The following TTC39B variants were observed in gnomAD, a reference collection of about 807,000 sequenced individuals.
TTC39B encodes the protein tetratricopeptide repeat protein 39B.
TTC39B carries 92 observed loss-of-function variants against 96.6 expected under a neutral mutation model. The ratio of observed to expected loss-of-function variants is 0.95; its 90% confidence interval spans 0.80 to 1.13. TTC39B has a LOEUF of 1.13. Ranked by LOEUF, TTC39B falls within the 50% of genes most tolerant of loss-of-function variation. The pLI is 0.00. For synonymous variants in TTC39B, 367 were observed against 299.4 expected (o/e 1.23, Z -2.33); for missense variants, 955 against 809.3 (o/e 1.18, Z -2.18).
intron 2 of TTC39B, among the ~76,000 whole-genome samples, chr9:15,263,525 A>C (rs1003925538): frequency 8.5e-5 from 13 of 152,210 alleles, no homozygotes; most frequent in African/African-American, 2.9e-4. Flanking sequence ...TTGGAGTTTT[A>C]TGGCTGTGTG....
At chr9:15,184,439 C>G (rs971652387) in intron 16 of TTC39B, among the ~76,000 whole-genome samples, 10 of 144,802 alleles carry the variant, frequency 6.9e-5, no homozygotes, top group Non-Finnish European at 1.2e-4. Flanking sequence ...AAAAAAAACT[C>G]AGGAAACCCC....
rs1412454028 is a variant in TTC39B at position 15,192,526 on chromosome 9, G to C, written c.930+64C>G. The C allele has an allele frequency of 2.1e-5, 27 of 1,275,070 alleles. No homozygotes were observed. In the Admixed American group the frequency reaches 4.6e-4, roughly 22 times the overall value. The allele number at this position is 1,275,070 out of a possible 1,614,324, so 79.0% of individuals were successfully genotyped here. On this transcript the variant is annotated intron_variant, in intron 9 of 19. Coordinates refer to ENST00000512701, the Ensembl canonical transcript of TTC39B. ...CAGGATGAGGTTCAAATGCAGTGGA[G>C]AAGGCACAGAAAACCTTAGGTTCTT... is the stretch of plus-strand genomic sequence containing the variant.
At chr9:15,294,958 T>C (rs1004917685) in intron 1 of TTC39B, among the ~76,000 whole-genome samples, 2 of 152,216 alleles carry the variant, frequency 1.3e-5, no homozygotes, top group African/African-American at 4.8e-5. Context: ...TCCCAGGTTA[T>C]ACATGGAGGA....
At chr9:15,247,193 T>C (rs1385356733) in intron 2 of TTC39B, among the ~76,000 whole-genome samples, 1 of 152,162 alleles carries the variant, frequency 6.6e-6, no homozygotes. Flanking sequence ...TATACGAAGA[T>C]CCACCAGGGA....
At chr9:15,261,608 C>G (rs1357650125) in intron 2 of TTC39B, among the ~76,000 whole-genome samples, 1 of 152,158 alleles carries the variant, frequency 6.6e-6, no homozygotes, top group Non-Finnish European at 1.5e-5. Context: ...TTCAAACCCA[C>G]TGCTCTGTGC....
At chr9:15,184,611 A>G (rs887513345) in intron 16 of TTC39B, among the ~76,000 whole-genome samples, 2 of 152,218 alleles carry the variant, frequency 1.3e-5, no homozygotes, top group Non-Finnish European at 2.9e-5. Context: ...TGTTTTTCAC[A>G]GAAGCCTTGC....
At chr9:15,286,629 AC>A (rs931289288) in intron 1 of TTC39B, among the ~76,000 whole-genome samples, 10 of 152,150 alleles carry the variant, frequency 6.6e-5, no homozygotes, top group African/African-American at 2.4e-4. Context: ...CATGTTCCTC[AC>A]CCAAAGTACC....
At chr9:15,282,357 G>A (rs1376138521) in intron 1 of TTC39B, among the ~76,000 whole-genome samples, 1 of 152,218 alleles carries the variant, frequency 6.6e-6, no homozygotes. Context: ...AATGACTGCA[G>A]AGGGATAGAT....
intron 2 of TTC39B, among the ~76,000 whole-genome samples, chr9:15,265,669 T>G (rs1243457188): frequency 6.6e-6 from 1 of 152,190 alleles, no homozygotes; most frequent in Non-Finnish European, 1.5e-5. Context: ...AAGGGCAACT[T>G]CACAGTGGAA....
chr9:15,240,887 G>T (rs115010077), intron 2 of TTC39B, among the ~76,000 whole-genome samples: 3,243 of 152,040 alleles, frequency 0.021, 120 homozygotes, highest in African/African-American at 0.074. Context: ...GCTTCAATAG[G>T]TCTACTATTA....
chr9:15,232,955 C>G (rs1181094122), intron 2 of TTC39B, among the ~76,000 whole-genome samples: 2 of 152,216 alleles, frequency 1.3e-5, no homozygotes, highest in Admixed American at 1.3e-4. Context: ...TCTGGGGACT[C>G]TTTCCCTGAA....
intron 2 of TTC39B, among the ~76,000 whole-genome samples, chr9:15,257,875 C>T (rs1389035777): frequency 1.3e-5 from 2 of 151,946 alleles, no homozygotes; most frequent in Non-Finnish European, 2.9e-5. Context: ...GCCTGACTAA[C>T]ATGGAGAAAC....
At chr9:15,271,411 A>G (rs143104016) in intron 1 of TTC39B, among the ~76,000 whole-genome samples, 5,139 of 152,274 alleles carry the variant, frequency 0.034, 287 homozygotes, top group African/African-American at 0.12. Context: ...GACTGGTTTC[A>G]TGGGAGACAA....
chr9:15,192,737 C>T lies in TTC39B; in HGVS notation c.825-42G>A, dbSNP rs550770048. 52 of 1,339,262 alleles carry T rather than the reference C, an allele frequency of 3.9e-5. No homozygotes were observed. In the Admixed American group the frequency reaches 4.2e-4, roughly 11 times the overall value. The allele number at this position is 1,339,262 out of a possible 1,614,324, so 83.0% of individuals were successfully genotyped here. A position where few individuals can be genotyped will look rare whatever the true frequency, so the allele number is the denominator to read the frequency against. Reference sequence around the variant, plus strand: ...AAGTGACAGCATAAGTTGACCATGACTCTGAAAATAAATATTAAATCAAAT... The same window carrying T: ...AAGTGACAGCATAAGTTGACCATGATTCTGAAAATAAATATTAAATCAAAT... On this transcript the variant is annotated intron_variant, in intron 8 of 19. Coordinates refer to ENST00000512701, the Ensembl canonical transcript of TTC39B.
chr9:15,195,203 G>A (rs1819085535), intron 8 of TTC39B, among the ~76,000 whole-genome samples: 1 of 152,128 alleles, frequency 6.6e-6, no homozygotes, highest in Admixed American at 6.5e-5. Context: ...AAGCTGTAGT[G>A]GTCTGGATAG....
At chr9:15,213,681 T>C (rs1466212912) in intron 4 of TTC39B, among the ~76,000 whole-genome samples, 1 of 152,212 alleles carries the variant, frequency 6.6e-6, no homozygotes, top group Non-Finnish European at 1.5e-5. Context: ...ACAGGTACTA[T>C]TAATTGAAAT....
intron 2 of TTC39B, among the ~76,000 whole-genome samples, chr9:15,234,306 G>A (rs1297786065): frequency 7.0e-6 from 1 of 143,052 alleles, no homozygotes; most frequent in Non-Finnish European, 1.6e-5. Context: ...CGGGAGGGAA[G>A]TCGGGGGGTC....
intron 17 of TTC39B, among the ~76,000 whole-genome samples, chr9:15,180,112 C>T (rs575634742): frequency 5.3e-5 from 8 of 152,202 alleles, no homozygotes; most frequent in South Asian, 4.2e-4. Flanking sequence ...TACAATTTTA[C>T]GACAAAAGAT....
intron 4 of TTC39B, among the ~76,000 whole-genome samples, chr9:15,213,907 C>G (rs972413000): frequency 6.6e-6 from 1 of 152,052 alleles, no homozygotes; most frequent in Non-Finnish European, 1.5e-5. Flanking sequence ...ATGACAATAT[C>G]TGAACAAGAG....
Sources: gnomAD v4.1 joint callset for allele counts (sites outside exome capture counted in the v4.1 genomes callset) on GRCh38, gnomAD v4.1.1 for gene constraint, MANE v1.5 for transcripts, NCBI Gene and HGNC (gene_info 2026-07-23, HGNC 2026-07-21) for gene names.